RPTOR: variants seen among roughly 807,000 people sequenced by gnomAD.
RPTOR encodes regulatory associated protein of MTOR complex 1, also known as regulatory-associated protein of mTOR.
In RPTOR, 21 loss-of-function variants were observed where a neutral mutation model predicts 169.9. That is an observed-to-expected ratio of 0.12 (90% CI 0.09 to 0.18). The LOEUF (loss-of-function observed/expected upper bound fraction) is 0.18, where lower values mean the gene tolerates loss of function less well. Ranked by LOEUF, RPTOR falls within the 10% of genes least tolerant of loss-of-function variation. The pLI is 1.00. For missense variants in RPTOR, 1,133 were observed against 1,855.9 expected, an observed-to-expected ratio of 0.61 and a Z score of 7.16; for synonymous variants, 732 against 753.2, an observed-to-expected ratio of 0.97 and a Z score of 0.46.
chr17:80,638,322 A>G (rs780863774), intron 2 of RPTOR, among the ~76,000 whole-genome samples: 4 of 151,880 alleles, frequency 2.6e-5, no homozygotes, highest in East Asian at 1.9e-4. Context: ...TCACAGCCGT[A>G]TGCTCTGTGC....
intron 7 of RPTOR, among the ~76,000 whole-genome samples, chr17:80,791,907 TC>T (rs1435421596): frequency 1.3e-5 from 2 of 151,730 alleles, no homozygotes; most frequent in African/African-American, 2.4e-5. Flanking sequence ...TTCCATCCCC[TC>T]CCCCCCTGTC....
chr17:80,771,362 C>T (rs2066841408), intron 6 of RPTOR, among the ~76,000 whole-genome samples: 1 of 152,228 alleles, frequency 6.6e-6, no homozygotes, highest in South Asian at 2.1e-4. Context: ...TATACACCTG[C>T]ATAAACCTCT....
At chr17:80,621,947 G>T (rs35081961) in intron 1 of RPTOR, among the ~76,000 whole-genome samples, 1 of 152,170 alleles carries the variant, frequency 6.6e-6, no homozygotes, top group Non-Finnish European at 1.5e-5. Flanking sequence ...ACTTGGCCAC[G>T]GGAGCAGCAG....
At chr17:80,902,419 G>A (rs1407589621) in intron 20 of RPTOR, among the ~76,000 whole-genome samples, 1 of 152,204 alleles carries the variant, frequency 6.6e-6, no homozygotes, top group African/African-American at 2.4e-5. Flanking sequence ...AGAGCCAGGT[G>A]GTCTTGCCGG....
intron 1 of RPTOR, among the ~76,000 whole-genome samples, chr17:80,608,410 C>T (rs984537377): frequency 2.0e-5 from 3 of 152,172 alleles, no homozygotes; most frequent in African/African-American, 7.2e-5. Context: ...TTGGAGTTGC[C>T]GTCTTTACAG....
chr17:80,755,991 T>G (rs1451168571), intron 6 of RPTOR, among the ~76,000 whole-genome samples: 2 of 152,180 alleles, frequency 1.3e-5, no homozygotes, highest in Non-Finnish European at 2.9e-5. Context: ...GTAAAACAAG[T>G]GTAATACATA....
intron 4 of RPTOR, among the ~76,000 whole-genome samples, chr17:80,714,754 C>T (rs576829493): frequency 1.4e-4 from 21 of 152,198 alleles, no homozygotes; most frequent in Admixed American, 3.9e-4. Context: ...CGGAGTCTCT[C>T]GCTCTGTCGC....
At chr17:80,877,804 G>T (rs909388887) in intron 13 of RPTOR, among the ~76,000 whole-genome samples, 1 of 152,168 alleles carries the variant, frequency 6.6e-6, no homozygotes, top group African/African-American at 2.4e-5. Flanking sequence ...CTCAGCTCGG[G>T]GGAGCAGCTT....
At chr17:80,644,352 T>C (rs1370572173) in intron 3 of RPTOR, among the ~76,000 whole-genome samples, 1 of 151,870 alleles carries the variant, frequency 6.6e-6, no homozygotes, top group African/African-American at 2.4e-5. Flanking sequence ...GTTTTTTGTT[T>C]GTTTGTTTAA....
chr17:80,638,823 A>G (rs540055545), intron 2 of RPTOR, among the ~76,000 whole-genome samples: 2 of 152,326 alleles, frequency 1.3e-5, no homozygotes, highest in African/African-American at 4.8e-5. Context: ...TGGTTTTTGT[A>G]TAATACAGCA....
chr17:80,676,709 C>T (rs1279300908), intron 3 of RPTOR, among the ~76,000 whole-genome samples: 1 of 152,238 alleles, frequency 6.6e-6, no homozygotes, highest in Non-Finnish European at 1.5e-5. Flanking sequence ...TTCTCCAGGC[C>T]TGGAAGCCTG....
intron 1 of RPTOR, among the ~76,000 whole-genome samples, chr17:80,587,138 C>A (rs1328134525): frequency 2.0e-5 from 3 of 151,178 alleles, no homozygotes; most frequent in Admixed American, 6.6e-5. Flanking sequence ...CCGGCGCAGC[C>A]CCGCTCGCCC....
intron 2 of RPTOR, among the ~76,000 whole-genome samples, chr17:80,639,872 G>A (rs1475485044): frequency 6.6e-6 from 1 of 152,182 alleles, no homozygotes; most frequent in Non-Finnish European, 1.5e-5. Context: ...AGATGGAGAG[G>A]TTTAAAAAGA....
chr17:80,857,763 T>C, intron 12 of RPTOR, 27 bp from the exon 13 acceptor site: 1 of 1,555,476 alleles, frequency 6.4e-7, no homozygotes, highest in Non-Finnish European at 8.8e-7. Context: ...GCGGCACAGG[T>C]GCGCTGACGC....
chr17:80,945,404 A>G (rs2069089205), intron 25 of RPTOR, among the ~76,000 whole-genome samples: 1 of 152,116 alleles, frequency 6.6e-6, no homozygotes, highest in African/African-American at 2.4e-5. Flanking sequence ...CATCCTGTCT[A>G]ACACGGTGAA....
At chr17:80,694,883 G>A (rs1339702729) in intron 3 of RPTOR, among the ~76,000 whole-genome samples, 1 of 152,170 alleles carries the variant, frequency 6.6e-6, no homozygotes, top group South Asian at 2.1e-4. Flanking sequence ...GTAACTCATG[G>A]CCTGTTAGTG....
intron 19 of RPTOR, among the ~76,000 whole-genome samples, chr17:80,893,310 C>T (rs1318893323): frequency 6.0e-5 from 8 of 132,304 alleles, no homozygotes; most frequent in Admixed American, 2.2e-4. Flanking sequence ...TGTGTGTGTG[C>T]GCCAGGTGTG....
intron 3 of RPTOR, among the ~76,000 whole-genome samples, chr17:80,661,945 A>T (rs1330989074): frequency 1.1e-4 from 16 of 152,180 alleles, no homozygotes; most frequent in Admixed American, 1.0e-3. Context: ...AGAAAGGGCC[A>T]TTCTATTTTC....
intron 9 of RPTOR, among the ~76,000 whole-genome samples, chr17:80,829,299 A>G (rs1402805355): frequency 4.6e-5 from 7 of 152,194 alleles, no homozygotes; most frequent in Non-Finnish European, 1.0e-4. Flanking sequence ...CAGACAGCAG[A>G]AAGACGGGGC....
Sources: allele counts gnomAD v4.1 joint callset (sites outside exome capture counted in the v4.1 genomes callset), GRCh38; gene constraint gnomAD v4.1.1; transcripts MANE v1.5; gene names NCBI Gene and HGNC (gene_info 2026-07-23, HGNC 2026-07-21).